Variants in METAP2 observed in about 807,000 individuals in gnomAD.
METAP2 encodes methionyl aminopeptidase 2.
METAP2 carries 25 observed loss-of-function variants against 59.4 expected under a neutral mutation model. The observed-to-expected ratio is 0.42, with a 90% confidence interval of 0.31 to 0.59. The LOEUF (loss-of-function observed/expected upper bound fraction) is 0.59, where lower values mean the gene tolerates loss of function less well. Among genes scored for constraint, METAP2 ranks in the 20% least tolerant of loss-of-function variants. The probability of loss-of-function intolerance (pLI) is 0.16; values close to 1 mark genes in which losing one functional copy is unlikely to be tolerated. For synonymous variants in METAP2, 214 were observed against 194.1 expected, an observed-to-expected ratio of 1.10 and a Z score of -0.85; for missense variants, 366 against 581.2, an observed-to-expected ratio of 0.63 and a Z score of 3.81.
intron 5 of METAP2, among the ~76,000 whole-genome samples, chr12:95,494,604 A>G (rs2076263489): frequency 6.6e-6 from 1 of 152,230 alleles, no homozygotes; most frequent in South Asian, 2.1e-4. Flanking sequence ...ATAAATGGTT[A>G]GTATAACATG....
At chr12:95,502,386 T>C (rs543205535) in intron 7 of METAP2, among the ~76,000 whole-genome samples, 183 of 152,318 alleles carry the variant, frequency 1.2e-3, no homozygotes, top group Non-Finnish European at 1.7e-3. Context: ...AGTTAGCACT[T>C]TGAATATGTT....
In METAP2 at chr12:95,514,327, G is replaced by C. The variant is rs953230846; in HGVS notation, c.*423G>C. Reference sequence around the variant, plus strand: ...TGGAATCCATTTTCTAAAAAATAAAGACATTTTCAGATCTGAGAGCTACAT... The same window carrying C: ...TGGAATCCATTTTCTAAAAAATAAACACATTTTCAGATCTGAGAGCTACAT... On this transcript the variant is annotated 3_prime_UTR_variant, in exon 11 of 11. Transcript: ENST00000323666. 2 of 158,176 alleles carry C rather than the reference G, an allele frequency of 1.3e-5. No homozygotes were observed. The highest frequency in any genetic ancestry group is 4.8e-5 in the African/African-American group (2 of 41,574). 9.8% of individuals were successfully genotyped at this position (158,176 alleles called of 1,614,324 possible). A position where few individuals can be genotyped will look rare whatever the true frequency, so the allele number is the denominator to read the frequency against.
chr12:95,490,750 A>T (rs1242903859), intron 4 of METAP2, among the ~76,000 whole-genome samples: 1 of 152,056 alleles, frequency 6.6e-6, no homozygotes, highest in East Asian at 1.9e-4. Flanking sequence ...CTCATTGCAT[A>T]TGGTTAGAGG....
chr12:95,477,727 G>C (rs996248215), intron 2 of METAP2, among the ~76,000 whole-genome samples: 2 of 152,162 alleles, frequency 1.3e-5, no homozygotes, highest in Non-Finnish European at 2.9e-5. Flanking sequence ...ATTAGTTGGG[G>C]CTGTAATTAT....
chr12:95,479,919 T>G (rs758357345), intron 2 of METAP2, among the ~76,000 whole-genome samples: 84 of 152,304 alleles, frequency 5.5e-4, no homozygotes, highest in Non-Finnish European at 1.0e-3. Context: ...CCAATAGTCA[T>G]CCTTTTTAAG....
intron 1 of METAP2, 37 bp downstream of exon 1, chr12:95,474,367 G>A: frequency 6.2e-7 from 1 of 1,605,876 alleles, no homozygotes; most frequent in South Asian, 1.1e-5. Context: ...TCCCCTCCGG[G>A]AACGGCTGAA....
rs2076425945 is a variant in METAP2 at position 95,514,101 on chromosome 12, T to C, written c.*197T>C. 3.5e-6 allele frequency: 2 copies of C among 564,616 alleles called. No homozygotes were observed. The highest frequency in any genetic ancestry group is 5.8e-6 in the Non-Finnish European group (2 of 345,414). 35.0% of individuals were successfully genotyped at this position (564,616 alleles called of 1,614,324 possible). A position where few individuals can be genotyped will look rare whatever the true frequency, so the allele number is the denominator to read the frequency against. ...ACCAACGAAAAAGCTTTCCGGACTT[T>C]TAAATGCTAACTGTTTTTCCCCTTC... On this transcript the variant is annotated 3_prime_UTR_variant, in exon 11 of 11. Coordinates refer to ENST00000323666, the MANE Select transcript of METAP2 (RefSeq NM_006838.4).
In METAP2 at chr12:95,482,929, T is replaced by C. The variant is rs577572234; in HGVS notation, c.260-286T>C. On this transcript the variant is annotated intron_variant, in intron 2 of 10. Transcript: ENST00000323666. ...ACTGCTGCTTCCTGTTTCTAAATTT[T>C]TTAGTGTTGGAGTCTCACTATGTTG... Among the ~76,000 whole-genome samples the C allele has an allele frequency of 2.6e-5, 4 of 152,300 alleles. No homozygotes were observed. The South Asian group carries it at 8.3e-4, about 32-fold the overall frequency.
At chr12:95,475,096 T>C (rs301009) in intron 1 of METAP2, among the ~76,000 whole-genome samples, 12,001 of 152,234 alleles carry the variant, frequency 0.079, 655 homozygotes, top group Non-Finnish European at 0.12. Context: ...TACAGTTGGA[T>C]ATTATGAACT....
intron 8 of METAP2, among the ~76,000 whole-genome samples, chr12:95,509,173 G>C (rs2076383381): frequency 6.6e-6 from 1 of 152,144 alleles, no homozygotes; most frequent in South Asian, 2.1e-4. Context: ...ATTTTTCTGT[G>C]TAACTAACAT....
intron 8 of METAP2, among the ~76,000 whole-genome samples, chr12:95,505,938 C>CAA (rs111916940): frequency 7.2e-6 from 1 of 138,688 alleles, no homozygotes; most frequent in African/African-American, 3.0e-5. Context: ...CTACTAAATA[C>CAA]AAAAAAAAAA....
At chr12:95,481,998 G>A (rs906296243) in intron 2 of METAP2, 2 of 303,756 alleles carry the variant, frequency 6.6e-6, no homozygotes, top group Admixed American at 4.3e-5. Context: ...GAAGGTTACT[G>A]TTAACGTTAC....
intron 8 of METAP2, among the ~76,000 whole-genome samples, chr12:95,511,059 A>T (rs1002401614): frequency 1.3e-5 from 2 of 152,046 alleles, no homozygotes; most frequent in Non-Finnish European, 2.9e-5. Context: ...CAATTTGTCT[A>T]TTCTGTCCTT....
intron 1 of METAP2, among the ~76,000 whole-genome samples, chr12:95,475,039 C>T (rs1295895906): frequency 6.6e-6 from 1 of 152,100 alleles, no homozygotes; most frequent in African/African-American, 2.4e-5. Flanking sequence ...CTTCTGAGGT[C>T]TTAACCTCTA....
intron 9 of METAP2, among the ~76,000 whole-genome samples, 175 bp from the exon 10 acceptor site, chr12:95,512,626 C>T (rs760021273): frequency 6.6e-5 from 10 of 152,088 alleles, no homozygotes; most frequent in Non-Finnish European, 1.2e-4. Context: ...GCAGGAGAAT[C>T]GCTTGAACCT....
chr12:95,483,119 T>G, intron 2 of METAP2, 96 bp from the exon 3 acceptor site: 1 of 902,604 alleles, frequency 1.1e-6, no homozygotes, highest in Non-Finnish European at 1.8e-6. Flanking sequence ...CGTTTGTTCA[T>G]TTATTGAATA....
intron 8 of METAP2, among the ~76,000 whole-genome samples, chr12:95,511,225 A>G (rs2076399241): frequency 6.6e-6 from 1 of 152,026 alleles, no homozygotes; most frequent in Non-Finnish European, 1.5e-5. Flanking sequence ...CTTTCACATT[A>G]TCTTTTGGTC....
intron 8 of METAP2, among the ~76,000 whole-genome samples, chr12:95,506,795 C>CTTATTTACTTAT: frequency 6.8e-6 from 1 of 147,334 alleles, no homozygotes; most frequent in South Asian, 2.2e-4. Context: ...AAGCAGAATA[C>CTTATTTACTTAT]TTATTTATTT....
rs149737555 is a variant in METAP2, at chr12:95,510,917, T to A, written c.965-978T>A. On this transcript the variant is annotated intron_variant, in intron 8 of 10. Transcript: ENST00000323666. ...GAATTGTACAGTATATATGTAATTG[T>A]GCCTTTTTCTGCTCATTTTGTCAGT... Among the ~76,000 whole-genome samples the A allele has an allele frequency of 3.3e-5, 5 of 152,322 alleles. No individual in the cohort carries two copies. In the East Asian group the frequency reaches 9.6e-4, roughly 29 times the overall value.
Sources: allele counts gnomAD v4.1 joint callset (sites outside exome capture counted in the v4.1 genomes callset), GRCh38; gene constraint gnomAD v4.1.1; transcripts MANE v1.5; gene names NCBI Gene and HGNC (gene_info 2026-07-23, HGNC 2026-07-21).